ARHGAP8: variants seen among roughly 807,000 people sequenced by gnomAD.
ARHGAP8 encodes the protein Rho GTPase activating protein 8, also known as rho GTPase-activating protein 8.
In ARHGAP8, 62 loss-of-function variants were observed where a neutral mutation model predicts 46.1. The ratio of observed to expected loss-of-function variants is 1.34; its 90% CI spans 1.10 to 1.66. The LOEUF is 1.66. Among genes scored for constraint, ARHGAP8 ranks in the 40% most tolerant of loss-of-function variants. The pLI is 0.00. For synonymous variants in ARHGAP8, 375 were observed against 243.1 expected (o/e 1.54, Z -5.05); for missense variants, 923 against 568.4 (o/e 1.62, Z -6.34).
intron 10 of ARHGAP8, 65 bp from the exon 11 acceptor site, chr22:44,859,666 G>A (rs546782413): frequency 2.9e-5 from 45 of 1,572,632 alleles, no homozygotes; most frequent in African/African-American, 2.8e-4. Flanking sequence ...TTCTCCTCCC[G>A]GGCCGGGATG....
At chr22:44,785,848 C>T (rs1246420928) in intron 1 of ARHGAP8, among the ~76,000 whole-genome samples, 1 of 152,192 alleles carries the variant, frequency 6.6e-6, no homozygotes, top group African/African-American at 2.4e-5. Flanking sequence ...TCAACCCCAG[C>T]CCACCTTGGT....
intron 7 of ARHGAP8, among the ~76,000 whole-genome samples, chr22:44,837,165 G>A (rs567023122): frequency 7.2e-5 from 11 of 152,320 alleles, no homozygotes; most frequent in African/African-American, 1.7e-4. Flanking sequence ...GATTACAGGC[G>A]TGAGCCACTG....
intron 2 of ARHGAP8, among the ~76,000 whole-genome samples, chr22:44,788,876 T>C (rs1001240334): frequency 6.6e-5 from 10 of 152,348 alleles, no homozygotes; most frequent in African/African-American, 2.2e-4. Flanking sequence ...CACTTGCCTA[T>C]GATCTGTCTA....
At chr22:44,792,905 C>G (rs368944940) in intron 2 of ARHGAP8, among the ~76,000 whole-genome samples, 40 of 151,600 alleles carry the variant, frequency 2.6e-4, no homozygotes, top group African/African-American at 9.5e-4. Flanking sequence ...CTCACTGCAA[C>G]TTCTGCCTCC....
At chr22:44,778,598 T>G (rs1266468312) in intron 1 of ARHGAP8, among the ~76,000 whole-genome samples, 1 of 152,220 alleles carries the variant, frequency 6.6e-6, no homozygotes, top group East Asian at 1.9e-4. Context: ...TTAAGGAATC[T>G]CCACACTGTT....
At chr22:44,827,364 A>C (rs1374280857) in intron 7 of ARHGAP8, among the ~76,000 whole-genome samples, 1 of 3,348 alleles carries the variant, frequency 3.0e-4, no homozygotes, top group Non-Finnish European at 9.8e-4. Flanking sequence ...TTTTTTTTTG[A>C]GACAGTCTCG....
chr22:44,767,077 T>C (rs987761866), intron 1 of ARHGAP8, among the ~76,000 whole-genome samples: 1 of 152,220 alleles, frequency 6.6e-6, no homozygotes, highest in African/African-American at 2.4e-5. Context: ...GCTGGTTTGC[T>C]GTGTGACCTT....
intron 1 of ARHGAP8, among the ~76,000 whole-genome samples, 159 bp from the exon 2 acceptor site, chr22:44,786,298 G>A (rs1275578758): frequency 2.0e-5 from 3 of 151,732 alleles, no homozygotes; most frequent in Admixed American, 6.6e-5. Context: ...GTGGGTGCTC[G>A]GCTGAGGCAG....
chr22:44,801,362 A>G (rs1453079816), intron 2 of ARHGAP8, among the ~76,000 whole-genome samples: 1 of 83,180 alleles, frequency 1.2e-5, no homozygotes, highest in Non-Finnish European at 2.2e-5. Flanking sequence ...GCAGCTGTCT[A>G]TGTGTGGGGG....
intron 7 of ARHGAP8, among the ~76,000 whole-genome samples, chr22:44,837,431 C>G (rs1931362518): frequency 1.3e-5 from 2 of 152,156 alleles, no homozygotes; most frequent in African/African-American, 2.4e-5. Context: ...CTCCAGAGTC[C>G]TCCTGCCCAG....
rs777570790 is a variant in ARHGAP8 at position 44,808,312 on chromosome 22, T to A, written c.173T>A (p.Leu58Ter). 1.2e-6 allele frequency: 2 copies of A among 1,612,630 alleles called. No homozygotes were observed. Among genetic ancestry groups the A allele is most frequent in the Admixed American group, 3.3e-5 (2 of 59,796 alleles). ...ATCTTCTGTGTTGTGCCCAGGTATTTGAAGTACACACTGGACCAATACGTT... is the reference window on the plus strand; with the variant it reads ...ATCTTCTGTGTTGTGCCCAGGTATTAGAAGTACACACTGGACCAATACGTT... ...ELDHQRLLEY[L>*]KYTLDQYVEN... The change falls in exon 4 of 12, where the codon TTG becomes TAG. Residue 58 changes from leucine (L) to a stop codon, truncating the protein, a stop_gained. Transcript: ENST00000356099. LOFTEE classifies it high-confidence loss of function.
At chr22:44,810,259 T>TTTG (rs1491521203) in intron 4 of ARHGAP8, among the ~76,000 whole-genome samples, 4 of 131,522 alleles carry the variant, frequency 3.0e-5, no homozygotes, top group Admixed American at 8.1e-5. Flanking sequence ...TTTTTTTTTT[T>TTTG]GAGACAGAGT....
intron 2 of ARHGAP8, 32 bp from the exon 3 acceptor site, chr22:44,802,045 G>A: frequency 6.2e-7 from 1 of 1,610,804 alleles, no homozygotes; most frequent in Non-Finnish European, 8.5e-7. Flanking sequence ...GGAGAAGGTG[G>A]CACAGAGGCT....
At position 44,801,204 on chromosome 22, in the gene ARHGAP8, G is replaced by A. The variant is rs562457248; in HGVS notation, c.80-873G>A. The stretch of plus-strand genomic sequence containing the variant: ...CGCCCCTCCCCGCAGCTGTCCATGT[G>A]TGGGGGCGCCTCTCCCCGCAGCTGT... On this transcript the variant is annotated intron_variant, in intron 2 of 11. Coordinates refer to ENST00000356099, the MANE Select transcript of ARHGAP8 (RefSeq NM_181335.3). 7.9e-4 allele frequency among the ~76,000 whole-genome samples: 57 copies of A among 72,054 alleles called. 6 individuals are homozygous for A. Among genetic ancestry groups the A allele is most frequent in the African/African-American group, 3.0e-3 (50 of 16,496 alleles). The allele number at this position is 72,054 out of a possible 152,430, so 47.3% of individuals were successfully genotyped here.
intron 5 of ARHGAP8, among the ~76,000 whole-genome samples, 166 bp from the exon 6 acceptor site, chr22:44,822,205 C>T (rs1322628032): frequency 1.3e-5 from 2 of 152,108 alleles, no homozygotes; most frequent in African/African-American, 2.4e-5. Flanking sequence ...TCCCGGCGTG[C>T]GCTGCTTGTG....
chr22:44,813,187 A>G (rs1318635805), intron 4 of ARHGAP8, among the ~76,000 whole-genome samples: 2 of 151,990 alleles, frequency 1.3e-5, no homozygotes, highest in Non-Finnish European at 2.9e-5. Context: ...TTGGGGTGTT[A>G]TGGCTCCCAG....
chr22:44,832,062 G>A (rs960300250), intron 7 of ARHGAP8, among the ~76,000 whole-genome samples: 1 of 152,014 alleles, frequency 6.6e-6, no homozygotes, highest in African/African-American at 2.4e-5. Flanking sequence ...TTGCCATCTT[G>A]AAAATAGTAG....
At chr22:44,799,393 G>T (rs188486910) in intron 2 of ARHGAP8, among the ~76,000 whole-genome samples, 7 of 152,234 alleles carry the variant, frequency 4.6e-5, no homozygotes, top group Non-Finnish European at 8.8e-5. Context: ...TTGCGGATGC[G>T]GGGGGCAACA....
rs569341227 is a variant in ARHGAP8 at position 44,822,395 on chromosome 22, CT to C, written c.412del (p.Tyr138IlefsTer5). On this transcript the variant is annotated frameshift_variant, in exon 6 of 12. Coordinates refer to ENST00000356099, the MANE Select transcript of ARHGAP8 (RefSeq NM_181335.3). LOFTEE classifies it high-confidence loss of function. Reference sequence around the variant, plus strand: ...GTCACAAGTTTGGGAAGAAAGTCATCTATTTCAACTACCTGAGTGAGCTCCA... The same window carrying C: ...GTCACAAGTTTGGGAAGAAAGTCATCATTTCAACTACCTGAGTGAGCTCCA... ...ISHKFGKKVI[Y>X]FNYLSELHEH... The C allele has an allele frequency of 1.1e-5, 18 of 1,583,862 alleles. No homozygotes were observed. The African/African-American group carries it at 2.3e-4, about 21-fold the overall frequency.
Sources: gnomAD v4.1 joint callset for allele counts (sites outside exome capture counted in the v4.1 genomes callset) on GRCh38, gnomAD v4.1.1 for gene constraint, MANE v1.5 for transcripts, NCBI Gene and HGNC (gene_info 2026-07-23, HGNC 2026-07-21) for gene names.